Variants in NAALADL2 observed in about 807,000 individuals in gnomAD.
The protein encoded by NAALADL2 is N-acetylated alpha-linked acidic dipeptidase like 2.
In NAALADL2, 76 loss-of-function variants were observed where a neutral mutation model predicts 87.2. The observed-to-expected ratio is 0.87, with a 90% CI of 0.72 to 1.05. NAALADL2 has a LOEUF of 1.05. Ranked by LOEUF, NAALADL2 falls within the 50% of genes least tolerant of loss-of-function variation. The probability of loss-of-function intolerance (pLI) is 0.00; values close to 1 mark genes in which losing one functional copy is unlikely to be tolerated. For missense variants in NAALADL2, 1,089 were observed against 945.8 expected (o/e 1.15, Z -1.99); for synonymous variants, 354 against 331.0 (o/e 1.07, Z -0.75).
chr3:175,138,864 GA>G (rs1485702021), intron 2 of NAALADL2, among the ~76,000 whole-genome samples: 4 of 121,924 alleles, frequency 3.3e-5, no homozygotes, highest in African/African-American at 6.8e-5. Context: ...TAAAGAGCCA[GA>G]AAAAAAATTT....
intron 13 of NAALADL2, among the ~76,000 whole-genome samples, chr3:175,795,810 T>TA (rs1313905268): frequency 3.9e-5 from 6 of 152,048 alleles, no homozygotes; most frequent in Admixed American, 3.9e-4. Flanking sequence ...TCTAATGGCT[T>TA]AAAAAAATAA....
intron 1 of NAALADL2, among the ~76,000 whole-genome samples, chr3:174,461,906 A>C: frequency 6.6e-6 from 1 of 152,084 alleles, no homozygotes; most frequent in East Asian, 1.9e-4. Context: ...ACTTTTAAAC[A>C]CAAGTAACTT....
At position 175,471,571 on chromosome 3, in the gene NAALADL2, A is replaced by G. The variant is rs1224662931; in HGVS notation, c.1534-68A>G. The G allele has an allele frequency of 3.5e-6, 3 of 865,828 alleles. No homozygotes were observed. In the East Asian group the frequency reaches 8.2e-5, roughly 24 times the overall value. 53.6% of individuals were successfully genotyped at this position (865,828 alleles called of 1,614,324 possible). On this transcript the variant is annotated intron_variant, in intron 8 of 13. Coordinates refer to ENST00000454872, the MANE Select transcript of NAALADL2 (RefSeq NM_207015.3). ...TGAAATGAAATGTTCATTATTCAAC[A>G]TCTAACTAATAAAGTAGAATCTATT...
chr3:174,899,323 T>A (rs1732019191), intron 1 of NAALADL2, among the ~76,000 whole-genome samples: 1 of 152,112 alleles, frequency 6.6e-6, no homozygotes. Context: ...ACAGTTTAAG[T>A]ATTTGGCCCC....
At chr3:174,813,812 G>T (rs1478615113) in intron 3 of NAALADL2, among the ~76,000 whole-genome samples, 1 of 152,046 alleles carries the variant, frequency 6.6e-6, no homozygotes, top group Non-Finnish European at 1.5e-5. Context: ...ACATTAGTGT[G>T]CCTGGCTCCC....
chr3:175,337,397 G>A (rs796747745), intron 5 of NAALADL2, among the ~76,000 whole-genome samples: 37 of 152,222 alleles, frequency 2.4e-4, no homozygotes, highest in African/African-American at 8.4e-4. Context: ...CCTCAGAATA[G>A]GATTGTATTT....
chr3:175,288,144 C>T (rs868556695), intron 4 of NAALADL2, among the ~76,000 whole-genome samples: 3 of 152,080 alleles, frequency 2.0e-5, no homozygotes, highest in Admixed American at 6.5e-5. Flanking sequence ...TGTAATGGCG[C>T]AATCTCAGCT....
chr3:174,972,169 G>A (rs545414108), intron 1 of NAALADL2, among the ~76,000 whole-genome samples: 2 of 152,216 alleles, frequency 1.3e-5, no homozygotes, highest in Admixed American at 6.5e-5. Flanking sequence ...AGTTTGTGAT[G>A]CCTAATCTAG....
chr3:175,140,615 G>C (rs1035386965), intron 2 of NAALADL2, among the ~76,000 whole-genome samples: 1 of 152,088 alleles, frequency 6.6e-6, no homozygotes, highest in African/African-American at 2.4e-5. Flanking sequence ...GGGGGGAGGT[G>C]CAAGAGCAAA....
At chr3:174,748,211 G>T (rs1390708660) in intron 3 of NAALADL2, among the ~76,000 whole-genome samples, 1 of 152,032 alleles carries the variant, frequency 6.6e-6, no homozygotes, top group Non-Finnish European at 1.5e-5. Context: ...TACATACAGG[G>T]CATAATACCT....
chr3:175,453,217 G>T (rs1468327237), intron 6 of NAALADL2, among the ~76,000 whole-genome samples: 1 of 151,876 alleles, frequency 6.6e-6, no homozygotes, highest in African/African-American at 2.4e-5. Flanking sequence ...CTAAACTTTG[G>T]AGTTTATATG....
chr3:175,132,339 G>T (rs554717719), intron 2 of NAALADL2, among the ~76,000 whole-genome samples: 40 of 90,792 alleles, frequency 4.4e-4, no homozygotes, highest in African/African-American at 2.1e-3. Flanking sequence ...TCCCGGACGA[G>T]GCGGCTGGCT....
At chr3:175,154,340 A>C (rs568870353) in intron 2 of NAALADL2, among the ~76,000 whole-genome samples, 2 of 152,184 alleles carry the variant, frequency 1.3e-5, no homozygotes, top group Admixed American at 6.6e-5. Context: ...CTGTCTACCC[A>C]AAAAAGGTAA....
At chr3:175,473,178 T>C (rs182255871) in intron 9 of NAALADL2, among the ~76,000 whole-genome samples, 284 of 152,250 alleles carry the variant, frequency 1.9e-3, no homozygotes, top group Middle Eastern at 6.8e-3. Flanking sequence ...TCTTTGCACA[T>C]CTTATAACAG....
At chr3:174,971,269 T>G (rs1393139404) in intron 1 of NAALADL2, among the ~76,000 whole-genome samples, 1 of 152,192 alleles carries the variant, frequency 6.6e-6, no homozygotes, top group Non-Finnish European at 1.5e-5. Flanking sequence ...CATCTCCTGT[T>G]TTCCAAGAGA....
chr3:175,201,746 AT>A (rs1740060834), intron 2 of NAALADL2, among the ~76,000 whole-genome samples: 1 of 150,986 alleles, frequency 6.6e-6, no homozygotes, highest in Non-Finnish European at 1.5e-5. Flanking sequence ...CTTAAGTATC[AT>A]TGCTTTGCCT....
intron 11 of NAALADL2, among the ~76,000 whole-genome samples, chr3:175,720,650 T>TA (rs947912452): frequency 7.9e-5 from 12 of 150,976 alleles, no homozygotes; most frequent in South Asian, 6.3e-4. Flanking sequence ...AACCCACATC[T>TA]AAAAAAAAAT....
chr3:174,919,900 T>C (rs1163571485), intron 1 of NAALADL2, among the ~76,000 whole-genome samples: 1 of 152,124 alleles, frequency 6.6e-6, no homozygotes, highest in African/African-American at 2.4e-5. Flanking sequence ...ACAATATTAA[T>C]CTCCTTGTAC....
chr3:175,044,468 C>G (rs1309384196), intron 1 of NAALADL2, among the ~76,000 whole-genome samples: 1 of 152,068 alleles, frequency 6.6e-6, no homozygotes, highest in Non-Finnish European at 1.5e-5. Flanking sequence ...ATCTCATTAT[C>G]TGTCTCGTGT....
Sources: gnomAD v4.1 joint callset for allele counts (sites outside exome capture counted in the v4.1 genomes callset) on GRCh38, gnomAD v4.1.1 for gene constraint, MANE v1.5 for transcripts, NCBI Gene and HGNC (gene_info 2026-07-23, HGNC 2026-07-21) for gene names.